Variants in DVL1 observed in about 807,000 individuals in gnomAD.
DVL1 encodes the protein segment polarity protein dishevelled homolog DVL-1.
A neutral mutation model predicts 65.0 loss-of-function variants in DVL1; 49 were observed. The observed-to-expected ratio is 0.75, with a 90% CI of 0.60 to 0.96. The LOEUF is 0.96. Ranked by LOEUF, DVL1 falls within the 40% of genes least tolerant of loss-of-function variation. The pLI, the probability that DVL1 is intolerant of heterozygous loss-of-function variation, is 0.00. For missense variants in DVL1, 1,197 were observed against 1,045.4 expected, an observed-to-expected ratio of 1.15 and a Z score of -2.00; for synonymous variants, 608 against 433.9, an observed-to-expected ratio of 1.40 and a Z score of -4.99.
At position 1,339,929 on chromosome 1, in the gene DVL1, G is replaced by A. The variant is rs1476967445; in HGVS notation, c.909+109C>T. 1.2e-4 allele frequency: 179 copies of A among 1,439,038 alleles called. 1 individual carries two copies. In the South Asian group the frequency reaches 1.7e-3, roughly 13 times the overall value. 89.1% of individuals were successfully genotyped at this position (1,439,038 alleles called of 1,614,324 possible). The stretch of plus-strand genomic sequence containing the variant: ...AGCCCCCGCAGACCCACCCGCAGCC[G>A]CATGTCCCCCAGCAGCCCCTACAGA... On this transcript the variant is annotated intron_variant, in intron 8 of 14. Coordinates refer to ENST00000378888, the MANE Select transcript of DVL1 (RefSeq NM_001330311.2).
rs1643969598 is a variant in DVL1 at position 1,348,935 on chromosome 1, G to A, written c.131C>T (p.Ala44Val). The change falls in exon 1 of 15, where the codon GCC becomes GTC. Residue 44 changes from alanine to valine, a missense_variant. Transcript: ENST00000378888. ...KNVLSNRPVH[A>V]YKFFFKSMDQ... ...CATGGACTTAAAGAAGAATTTGTAG[G>A]CGTGCACGGGCCGGTTGCTGAGCAC... The A allele has an allele frequency of 1.3e-6, 2 of 1,573,140 alleles. No individual in the cohort carries two copies. The highest frequency in any genetic ancestry group is 1.7e-6 in the Non-Finnish European group (2 of 1,156,218).
rs2100720726 is a variant in DVL1 at position 1,338,660 on chromosome 1, A to G, written c.1208-7T>C. ...AGCGGCGCCTCTTCCAGCTCTGCAAAGCACAGACAGCCCCGCTTCAGCCCC... is the reference window on the plus strand; with the variant it reads ...AGCGGCGCCTCTTCCAGCTCTGCAAGGCACAGACAGCCCCGCTTCAGCCCC... On this transcript the variant is annotated splice_region_variant and splice_polypyrimidine_tract_variant and intron_variant, in intron 11 of 14. Transcript: ENST00000378888. 1.2e-6 allele frequency: 2 copies of G among 1,607,156 alleles called. No homozygotes were observed. The highest frequency in any genetic ancestry group is 1.1e-5 in the South Asian group (1 of 91,022).
rs558300734 is a variant in DVL1 at position 1,337,116 on chromosome 1, C to T, written c.1715-601G>A. Reference sequence around the variant, plus strand: ...CACGCCCGGCTGCCTGGCACCTGCCCAGCACCCACCCGCCACCAGTGGGGA... The same window carrying T: ...CACGCCCGGCTGCCTGGCACCTGCCTAGCACCCACCCGCCACCAGTGGGGA... On this transcript the variant is annotated intron_variant, in intron 14 of 14. Transcript: ENST00000378888. 2.6e-5 allele frequency: 26 copies of T among 987,608 alleles called. 1 individual carries two copies. Among genetic ancestry groups the T allele is most frequent in the African/African-American group, 1.9e-4 (11 of 57,346 alleles). 61.2% of individuals were successfully genotyped at this position (987,608 alleles called of 1,614,324 possible). A position where few individuals can be genotyped will look rare whatever the true frequency, so the allele number is the denominator to read the frequency against.
Position 1,339,423 on chromosome 1 carries a change from G to A in DVL1, c.1071C>T (p.Pro357=). The A allele has an allele frequency of 6.5e-7, 1 of 1,548,648 alleles. No homozygotes were observed. The highest frequency in any genetic ancestry group is 2.4e-5 in the East Asian group (1 of 40,882). ...FTVPRADPVR[P]IDPAAWLSHT... Reference sequence around the variant, plus strand: ...GGGACAGCCAGGCGGCGGGGTCGATGGGCCGCACCGGGTCAGCTGGGTGGC... The same window carrying A: ...GGGACAGCCAGGCGGCGGGGTCGATAGGCCGCACCGGGTCAGCTGGGTGGC... Residue 357 remains proline, a synonymous_variant, in exon 11 of 15, where the codon CCC becomes CCT. Transcript: ENST00000378888.
At chr1:1,343,956 C>G (rs1643882569) in intron 1 of DVL1, among the ~76,000 whole-genome samples, 1 of 152,154 alleles carries the variant, frequency 6.6e-6, no homozygotes, top group Non-Finnish European at 1.5e-5. Flanking sequence ...CAGAGGGCAC[C>G]CAGGCAGGCC....
chr1:1,340,331 G>A lies in DVL1; in HGVS notation c.700-15C>T, dbSNP rs1399769504. ...AAGGAGGAGGCCTATGGAGGAGAGG[G>A]GGCGTGTGTAAAAGGCACGGGGCTG... On this transcript the variant is annotated splice_polypyrimidine_tract_variant and intron_variant, in intron 6 of 14. Transcript: ENST00000378888. The A allele has an allele frequency of 1.1e-5, 17 of 1,613,718 alleles. No homozygotes were observed. The highest frequency in any genetic ancestry group is 2.7e-5 in the African/African-American group (2 of 74,894).
At position 1,338,404 on chromosome 1, in the gene DVL1, C is replaced by T. The variant is rs1463876886; in HGVS notation, c.1372G>A (p.Val458Met). ...TCCCGCCGCTCCTTGAAGCCCTCCA[C>T]GTGTGTGTACAGCCAGTCCACCACG... ...ADVVDWLYTH[V>M]EGFKERREAR... The change falls in exon 13 of 15, where the codon GTG (valine) becomes ATG (methionine). Residue 458 changes from valine (V) to methionine (M), a missense_variant. Transcript: ENST00000378888. 2 of 1,612,610 alleles carry T rather than the reference C, an allele frequency of 1.2e-6. No individual in the cohort carries two copies. The highest frequency in any genetic ancestry group is 1.7e-5 in the Admixed American group (1 of 60,010).
At chr1:1,341,275 CTG>C (rs1234787373) in intron 5 of DVL1, among the ~76,000 whole-genome samples, 16 of 152,082 alleles carry the variant, frequency 1.1e-4, no homozygotes, top group South Asian at 6.2e-4. Flanking sequence ...CACGTGCACA[CTG>C]TGAAAACGCA....
At chr1:1,344,402 G>A (rs1224943926) in intron 1 of DVL1, among the ~76,000 whole-genome samples, 1 of 152,180 alleles carries the variant, frequency 6.6e-6, no homozygotes, top group Non-Finnish European at 1.5e-5. Flanking sequence ...GCAGTAGGTA[G>A]CAGGAGGCCC....
Position 1,336,043 on chromosome 1 carries a change from TCCCGTCCTGGCC to T in DVL1, c.*87_*98del. ...GGTCCAGCCTGCCCCCCACCCTGCC[TCCCGTCCTGGCC>T]CCCACGAAGGCAAGCCCACGCGAGC... On this transcript the variant is annotated 3_prime_UTR_variant, in exon 15 of 15. Transcript: ENST00000378888. The T allele has an allele frequency of 2.7e-6, 4 of 1,467,934 alleles. No individual in the cohort carries two copies. Among genetic ancestry groups the T allele is most frequent in the Non-Finnish European group, 3.6e-6 (4 of 1,099,896 alleles). The allele number at this position is 1,467,934 out of a possible 1,614,324, so 90.9% of individuals were successfully genotyped here.
chr1:1,338,229 T>TTGGCCCCCCCC, intron 13 of DVL1, 40 bp downstream of exon 13: 11 of 1,522,342 alleles, frequency 7.2e-6, no homozygotes, highest in Non-Finnish European at 9.9e-6. Flanking sequence ...CCTCCGGCGT[T>TTGGCCCCCCCC]CCCCTCCCCC....
In DVL1 at chr1:1,336,466, ACGGCCCGGGGCC is replaced by A. The variant is rs1191929710; in HGVS notation, c.1752_1763del (p.Ala585_Arg588del). On this transcript the variant is annotated inframe_deletion, in exon 15 of 15. Transcript: ENST00000378888. Reference sequence around the variant, plus strand: ...CTCCCGCCGCCCGACGCTCCTTCTCACGGCCCGGGGCCCGGCGGCTGCTCCGGGTGGACCCAC... The same window carrying A: ...CTCCCGCCGCCCGACGCTCCTTCTCACGGCGGCTGCTCCGGGTGGACCCAC... 1 of 1,562,066 alleles carries A rather than the reference ACGGCCCGGGGCC, an allele frequency of 6.4e-7. No homozygotes were observed. Among genetic ancestry groups the A allele is most frequent in the South Asian group, 1.2e-5 (1 of 85,410 alleles).
chr1:1,336,438 C>G lies in DVL1; in HGVS notation c.1792G>C (p.Gly598Arg), dbSNP rs778441474. The change falls in exon 15 of 15, where the codon GGG becomes CGG. Residue 598 changes from glycine to arginine, a missense_variant. By Grantham distance (125) the Gly-to-Arg change is moderately radical. Transcript: ENST00000378888. ...TGATCCGATTCACTGCCACTGCCCC[C>G]AGCTCCCGCCGCCCGACGCTCCTTC... ...REKERRAAGA[G>R]GSGSESDHTA... 1 of 1,583,946 alleles carries G rather than the reference C, an allele frequency of 6.3e-7. No homozygotes were observed. Among genetic ancestry groups the G allele is most frequent in the South Asian group, 1.1e-5 (1 of 88,980 alleles).
intron 11 of DVL1, among the ~76,000 whole-genome samples, 200 bp from the exon 12 acceptor site, chr1:1,338,853 C>T (rs930671447): frequency 6.6e-6 from 1 of 152,180 alleles, no homozygotes; most frequent in Non-Finnish European, 1.5e-5. Flanking sequence ...CATTTAGTCT[C>T]CCACTTCTAC....
At position 1,348,277 on chromosome 1, in the gene DVL1, G is replaced by A. The variant is rs771440579; in HGVS notation, c.170+619C>T. Among the ~76,000 whole-genome samples the A allele has an allele frequency of 7.9e-5, 12 of 152,306 alleles. No homozygotes were observed. In the South Asian group the frequency reaches 1.5e-3, roughly 18 times the overall value. On this transcript the variant is annotated intron_variant, in intron 1 of 14. Coordinates refer to ENST00000378888, the MANE Select transcript of DVL1 (RefSeq NM_001330311.2). Reference sequence around the variant, plus strand: ...TGACCCAGGCTGCCCCGAAACAGCAGATGGTCTGGGCTGCTCCGGGAACGC... The same window carrying A: ...TGACCCAGGCTGCCCCGAAACAGCAAATGGTCTGGGCTGCTCCGGGAACGC...
intron 14 of DVL1, 113 bp from the exon 15 acceptor site, chr1:1,336,628 G>T: frequency 7.3e-7 from 1 of 1,365,704 alleles, no homozygotes; most frequent in Non-Finnish European, 9.5e-7. Flanking sequence ...TGCAGGACGG[G>T]TGGGTGGGGC....
In DVL1 at chr1:1,338,334, C is replaced by T. The variant is rs565303367; in HGVS notation, c.1442G>A (p.Arg481Gln). Residue 481 changes from arginine to glutamine, a missense_variant, in exon 13 of 15, where the codon CGG (arginine) becomes CAG (glutamine). Transcript: ENST00000378888. ...GAAGGTGATCTTGTTGACCGTGTGC[C>T]GCAGGAAGCCGTGCTTCAGCAAGCT... is the stretch of plus-strand genomic sequence containing the variant. ...ASSLLKHGFL[R>Q]HTVNKITFSE... 4.3e-6 allele frequency: 7 copies of T among 1,610,392 alleles called. No individual in the cohort carries two copies. The highest frequency in any genetic ancestry group is 1.1e-5 in the South Asian group (1 of 90,950).
chr1:1,336,025 C>G lies in DVL1; in HGVS notation c.*117G>C. ...GCCAGGGCAGATGGTGGTGGTCCAGCCTGCCCCCCACCCTGCCTCCCGTCC... is the reference window on the plus strand; with the variant it reads ...GCCAGGGCAGATGGTGGTGGTCCAGGCTGCCCCCCACCCTGCCTCCCGTCC... On this transcript the variant is annotated 3_prime_UTR_variant, in exon 15 of 15. Coordinates refer to ENST00000378888, the MANE Select transcript of DVL1 (RefSeq NM_001330311.2). The G allele has an allele frequency of 7.3e-7, 1 of 1,378,118 alleles. No homozygotes were observed. Among genetic ancestry groups the G allele is most frequent in the Non-Finnish European group, 9.8e-7 (1 of 1,025,344 alleles). 85.4% of individuals were successfully genotyped at this position (1,378,118 alleles called of 1,614,324 possible).
chr1:1,343,301 C>T (rs1643876077), intron 1 of DVL1, among the ~76,000 whole-genome samples: 1 of 151,518 alleles, frequency 6.6e-6, no homozygotes, highest in Non-Finnish European at 1.5e-5. Flanking sequence ...CTCCTCAGGG[C>T]CAGGCCCCAG....
Sources: gnomAD v4.1 joint callset for allele counts (sites outside exome capture counted in the v4.1 genomes callset) on GRCh38, gnomAD v4.1.1 for gene constraint, MANE v1.5 for transcripts, NCBI Gene and HGNC (gene_info 2026-07-23, HGNC 2026-07-21) for gene names.